Variants in PLPP4 observed in about 807,000 individuals in gnomAD.
The protein encoded by PLPP4 is diacylglycerol pyrophosphate like 2.
In PLPP4, 20 loss-of-function variants were observed where a neutral mutation model predicts 32.2. The ratio of observed to expected loss-of-function variants is 0.62; its 90% CI spans 0.44 to 0.90. The LOEUF is 0.90. Among genes scored for constraint, PLPP4 ranks in the 40% least tolerant of loss-of-function variants. The probability of loss-of-function intolerance (pLI) is 0.00; values close to 1 mark genes in which losing one functional copy is unlikely to be tolerated. For synonymous variants in PLPP4, 127 were observed against 133.0 expected (o/e 0.95, Z 0.31); for missense variants, 257 against 353.1 (o/e 0.73, Z 2.18).
intron 1 of PLPP4, among the ~76,000 whole-genome samples, chr10:120,489,251 G>A (rs780102099): frequency 6.6e-6 from 1 of 152,124 alleles, no homozygotes; most frequent in East Asian, 1.9e-4. Context: ...GGTGGTGATA[G>A]CGGTGGTGGA....
At chr10:120,502,795 G>A (rs1217102944) in intron 1 of PLPP4, among the ~76,000 whole-genome samples, 1 of 152,142 alleles carries the variant, frequency 6.6e-6, no homozygotes. Flanking sequence ...AGGACTTTTG[G>A]TGCTAAAACT....
rs997176883 is a variant in PLPP4 at position 120,488,653 on chromosome 10, A to G, written c.57-15165A>G. Among the ~76,000 whole-genome samples, 7 of 152,306 alleles carry G rather than the reference A, an allele frequency of 4.6e-5. 1 individual carries two copies. Among genetic ancestry groups the G allele is most frequent in the Admixed American group, 4.6e-4 (7 of 15,300 alleles). On this transcript the variant is annotated intron_variant, in intron 1 of 6. Transcript: ENST00000398250. ...GTTAGCTCTTTTGATCTCTAGTCCA[A>G]CATGCTGCTAACTAGCTCCAGCTTG...
At chr10:120,459,956 T>A (rs1171654288) in intron 1 of PLPP4, among the ~76,000 whole-genome samples, 1 of 152,146 alleles carries the variant, frequency 6.6e-6, no homozygotes, top group Non-Finnish European at 1.5e-5. Flanking sequence ...AGATCCCTTT[T>A]TCTGTTTCTA....
rs58426120 is a variant in PLPP4 at position 120,552,165 on chromosome 10, G to GGTGTGTGTGTGTGT, written c.446-22936_446-22923dup. On this transcript the variant is annotated intron_variant, in intron 5 of 6. Transcript: ENST00000398250. ...GTGATTGTGTTGTTAGTGGTGGTGGGGTGTGTGTGTGTGTGTGTGTGTGTG... is the reference window on the plus strand; with the variant it reads ...GTGATTGTGTTGTTAGTGGTGGTGGGGTGTGTGTGTGTGTGTGTGTGTGTGTGTGTGTGTGTGTG... Among the ~76,000 whole-genome samples the GGTGTGTGTGTGTGT allele has an allele frequency of 7.3e-3, 1,014 of 138,604 alleles. 13 individuals are homozygous for GGTGTGTGTGTGTGT. Among genetic ancestry groups the GGTGTGTGTGTGTGT allele is most frequent in the Admixed American group, 0.01 (137 of 13,654 alleles). The allele number at this position is 138,604 out of a possible 152,430, so 90.9% of individuals were successfully genotyped here.
intron 5 of PLPP4, among the ~76,000 whole-genome samples, chr10:120,570,432 CA>C (rs1848881495): frequency 6.6e-6 from 1 of 152,090 alleles, no homozygotes; most frequent in South Asian, 2.1e-4. Context: ...CTCATCAGAG[CA>C]CAATTGTGTG....
At chr10:120,525,705 T>A (rs2133920942) in intron 5 of PLPP4, among the ~76,000 whole-genome samples, 1 of 152,364 alleles carries the variant, frequency 6.6e-6, no homozygotes, top group Middle Eastern at 3.4e-3. Flanking sequence ...TGTTTTGAGA[T>A]GTTTACTATT....
chr10:120,496,476 G>A (rs1844967783), intron 1 of PLPP4, among the ~76,000 whole-genome samples: 1 of 152,114 alleles, frequency 6.6e-6, no homozygotes, highest in African/African-American at 2.4e-5. Flanking sequence ...GCTCTGGGTG[G>A]GAGGCTATTT....
intron 5 of PLPP4, among the ~76,000 whole-genome samples, chr10:120,535,992 A>T (rs544641233): frequency 1.1e-4 from 17 of 152,286 alleles, no homozygotes; most frequent in African/African-American, 4.1e-4. Flanking sequence ...GTCCTTTGTA[A>T]TGGACATCTT....
In PLPP4 at chr10:120,575,036, G is replaced by A. The variant is rs1849148324; in HGVS notation, c.446-95G>A. On this transcript the variant is annotated intron_variant, in intron 5 of 6. Coordinates refer to ENST00000398250, the MANE Select transcript of PLPP4 (RefSeq NM_001030059.3). ...TGGTGCCAACATGGCCTTGGCCTTGGGGGTGTGCAAGACGGCAGACGGAAT... is the reference window on the plus strand; with the variant it reads ...TGGTGCCAACATGGCCTTGGCCTTGAGGGTGTGCAAGACGGCAGACGGAAT... The A allele has an allele frequency of 3.7e-6, 5 of 1,339,334 alleles. No homozygotes were observed. The South Asian group carries it at 6.5e-5, about 18-fold the overall frequency. 83.0% of individuals were successfully genotyped at this position (1,339,334 alleles called of 1,614,324 possible).
chr10:120,588,109 C>G (rs1258476789), intron 6 of PLPP4, among the ~76,000 whole-genome samples: 3 of 152,210 alleles, frequency 2.0e-5, no homozygotes, highest in Non-Finnish European at 2.9e-5. Flanking sequence ...TCCTGCCTGC[C>G]TATGGGAAGT....
At chr10:120,502,886 G>A (rs11199370) in intron 1 of PLPP4, among the ~76,000 whole-genome samples, 19,088 of 151,982 alleles carry the variant, frequency 0.13, 1,433 homozygotes, top group Middle Eastern at 0.23. Flanking sequence ...CTCCTCTCCC[G>A]CTCCCCTGCG....
chr10:120,472,232 T>C (rs186156494), intron 1 of PLPP4, among the ~76,000 whole-genome samples: 269 of 152,250 alleles, frequency 1.8e-3, no homozygotes, highest in African/African-American at 6.1e-3. Context: ...CCTTTTAGCC[T>C]GAATAACTTC....
At position 120,472,108 on chromosome 10, in the gene PLPP4, C is replaced by A. The variant is rs570528404; in HGVS notation, c.56+14747C>A. ...ACATTTAAATTATTTTTACTTTAAG[C>A]AATCAATATACTTTCACAGAAATTA... On this transcript the variant is annotated intron_variant, in intron 1 of 6. Coordinates refer to ENST00000398250, the MANE Select transcript of PLPP4 (RefSeq NM_001030059.3). Among the ~76,000 whole-genome samples, 4 of 152,072 alleles carry A rather than the reference C, an allele frequency of 2.6e-5. 1 individual carries two copies. In the South Asian group the frequency reaches 6.2e-4, roughly 24 times the overall value.
At chr10:120,544,658 G>C (rs1330828207) in intron 5 of PLPP4, among the ~76,000 whole-genome samples, 1 of 152,230 alleles carries the variant, frequency 6.6e-6, no homozygotes, top group Non-Finnish European at 1.5e-5. Flanking sequence ...CCGGAAAGCA[G>C]GCCTGCCTGC....
chr10:120,465,386 G>A (rs993634959), intron 1 of PLPP4, among the ~76,000 whole-genome samples: 2 of 152,092 alleles, frequency 1.3e-5, no homozygotes, highest in African/African-American at 4.8e-5. Context: ...AGAACCCAGG[G>A]GCAGCTTCAT....
intron 5 of PLPP4, among the ~76,000 whole-genome samples, chr10:120,552,385 G>A (rs1163644100): frequency 6.6e-6 from 1 of 152,134 alleles, no homozygotes; most frequent in African/African-American, 2.4e-5. Flanking sequence ...TCTAACGGAT[G>A]AAACATTGAA....
At chr10:120,581,251 G>C (rs1046613592) in intron 6 of PLPP4, 16 of 985,402 alleles carry the variant, frequency 1.6e-5, no homozygotes, top group Non-Finnish European at 1.9e-5. Context: ...AAGGGAACCT[G>C]TCTCTTCTCA....
At chr10:120,474,803 G>A (rs1342873926) in intron 1 of PLPP4, among the ~76,000 whole-genome samples, 4 of 152,166 alleles carry the variant, frequency 2.6e-5, no homozygotes, top group Admixed American at 2.6e-4. Context: ...CTATATGCCA[G>A]GCAGAGGCAT....
chr10:120,506,468 A>C (rs1845494292), intron 2 of PLPP4, among the ~76,000 whole-genome samples: 1 of 152,192 alleles, frequency 6.6e-6, no homozygotes, highest in South Asian at 2.1e-4. Context: ...TGATGTATAA[A>C]ATGGCTTGAT....
Sources: allele counts gnomAD v4.1 joint callset (sites outside exome capture counted in the v4.1 genomes callset), GRCh38; gene constraint gnomAD v4.1.1; transcripts MANE v1.5; gene names NCBI Gene and HGNC (gene_info 2026-07-23, HGNC 2026-07-21).